TUT4: variants seen among roughly 807,000 people sequenced by gnomAD.
The protein encoded by TUT4 is terminal uridylyltransferase 4.
Under a neutral mutation model 192.2 loss-of-function variants are expected in TUT4, and 36 were observed. The ratio of observed to expected loss-of-function variants is 0.19; its 90% CI spans 0.14 to 0.25. The LOEUF (loss-of-function observed/expected upper bound fraction) is 0.25. Ranked by LOEUF, TUT4 falls within the 10% of genes least tolerant of loss-of-function variation. The pLI, the probability that TUT4 is intolerant of heterozygous loss-of-function variation, is 1.00. For synonymous variants in TUT4, 618 were observed against 666.0 expected (o/e 0.93, Z 1.11); for missense variants, 1,493 against 1,957.2 (o/e 0.76, Z 4.47).
At chr1:52,533,248 A>G (rs1172300983) in intron 1 of TUT4, among the ~76,000 whole-genome samples, 2 of 151,990 alleles carry the variant, frequency 1.3e-5, no homozygotes, top group African/African-American at 2.4e-5. Flanking sequence ...AAGGAATAAA[A>G]CTCTTTGTTT....
chr1:52,538,368 G>GA (rs1172344789), intron 1 of TUT4, among the ~76,000 whole-genome samples: 4 of 150,534 alleles, frequency 2.7e-5, no homozygotes, highest in Non-Finnish European at 5.9e-5. Context: ...TGGCAACTGA[G>GA]AAAAAAAAAG....
At chr1:52,447,164 T>C (rs1192033310) in intron 20 of TUT4, among the ~76,000 whole-genome samples, 2 of 152,098 alleles carry the variant, frequency 1.3e-5, no homozygotes, top group Non-Finnish European at 1.5e-5. Flanking sequence ...AAATGGAAAA[T>C]TAGGGCCAGG....
intron 28 of TUT4, among the ~76,000 whole-genome samples, chr1:52,427,960 T>A (rs1382586049): frequency 6.6e-6 from 1 of 152,176 alleles, no homozygotes; most frequent in Non-Finnish European, 1.5e-5. Flanking sequence ...AGTCTCTGAA[T>A]CTAAATCCCA....
In TUT4 at chr1:52,550,713, T is replaced by C. The variant is rs532925352; in HGVS notation, c.-94+2218A>G. Among the ~76,000 whole-genome samples, 7 of 152,176 alleles carry C rather than the reference T, an allele frequency of 4.6e-5. No homozygotes were observed. In the South Asian group the frequency reaches 1.5e-3, roughly 32 times the overall value. On this transcript the variant is annotated intron_variant, in intron 1 of 29. Coordinates refer to ENST00000257177, the MANE Select transcript of TUT4 (RefSeq NM_001009881.3). The stretch of plus-strand genomic sequence containing the variant: ...TCTCACTATGCTGCTCAGACTGATA[T>C]CAAACTCCTACGCTCAAGCAATCCT...
Position 52,493,586 on chromosome 1 carries a change from GAAAAGA to G in TUT4, c.1318+19_1318+24del. 7.7e-7 allele frequency: 1 copy of G among 1,300,774 alleles called. No homozygotes were observed. Among genetic ancestry groups the G allele is most frequent in the East Asian group, 2.6e-5 (1 of 38,414 alleles). The allele number at this position is 1,300,774 out of a possible 1,614,324, so 80.6% of individuals were successfully genotyped here. A position where few individuals can be genotyped will look rare whatever the true frequency, so the allele number is the denominator to read the frequency against. The stretch of plus-strand genomic sequence containing the variant: ...AGAAAGACAAATTAAAAAAAAAAAA[GAAAAGA>G]AAAAGAAAAGAAACTCACCATTTTT... On this transcript the variant is annotated intron_variant, in intron 7 of 29. Coordinates refer to ENST00000257177, the MANE Select transcript of TUT4 (RefSeq NM_001009881.3).
chr1:52,488,802 T>G, intron 9 of TUT4, 107 bp downstream of exon 9: 2 of 1,183,822 alleles, frequency 1.7e-6, no homozygotes, highest in Non-Finnish European at 2.2e-6. Flanking sequence ...TTCTCCCACA[T>G]GTTATGATTG....
chr1:52,519,572 C>A (rs552157915), intron 2 of TUT4, among the ~76,000 whole-genome samples: 1 of 151,262 alleles, frequency 6.6e-6, no homozygotes, highest in African/African-American at 2.4e-5. Flanking sequence ...TGCAGTGGTG[C>A]AATCTCGGCT....
At chr1:52,443,476 C>A (rs569191226) in intron 24 of TUT4, among the ~76,000 whole-genome samples, 2 of 151,962 alleles carry the variant, frequency 1.3e-5, no homozygotes, top group East Asian at 3.9e-4. Context: ...GTAATCCCAG[C>A]TACTTGGGAG....
intron 26 of TUT4, 82 bp downstream of exon 26, chr1:52,436,673 G>A: frequency 3.2e-6 from 5 of 1,573,774 alleles, no homozygotes; most frequent in Non-Finnish European, 3.4e-6. Context: ...TTGCAACAGA[G>A]AGGAATTAGG....
chr1:52,515,757 G>A, intron 3 of TUT4, 134 bp downstream of exon 3: 1 of 965,310 alleles, frequency 1.0e-6, no homozygotes, highest in Non-Finnish European at 1.6e-6. Context: ...AAGAAAGGTA[G>A]AGAAGAGGGA....
intron 1 of TUT4, among the ~76,000 whole-genome samples, chr1:52,532,394 C>G (rs1683718122): frequency 6.6e-6 from 1 of 151,640 alleles, no homozygotes; most frequent in Non-Finnish European, 1.5e-5. Context: ...GGCGTGCAGT[C>G]ATGGCTCACT....
chr1:52,447,477 CAA>C (rs576050725), intron 20 of TUT4, among the ~76,000 whole-genome samples: 2 of 113,360 alleles, frequency 1.8e-5, no homozygotes, highest in African/African-American at 3.8e-5. Flanking sequence ...AACAAAAAAA[CAA>C]AAAAAAAAAA....
Position 52,516,675 on chromosome 1 carries a change from C to T in TUT4, c.719-621G>A, listed in dbSNP as rs12024532. Among the ~76,000 whole-genome samples, 109 of 152,282 alleles carry T rather than the reference C, an allele frequency of 7.2e-4. 1 individual carries two copies. The East Asian group carries it at 0.018, about 26-fold the overall frequency. On this transcript the variant is annotated intron_variant, in intron 2 of 29. Coordinates refer to ENST00000257177, the MANE Select transcript of TUT4 (RefSeq NM_001009881.3). ...CCTACAGTAGGTTCTCCCACCAGCG[C>T]GATTTTTAAAATATAAACCAAATCA...
At chr1:52,471,008 C>CTTTTTTTTT (rs771331613) in intron 14 of TUT4, among the ~76,000 whole-genome samples, 1 of 82,148 alleles carries the variant, frequency 1.2e-5, no homozygotes. Flanking sequence ...GCACTCTATG[C>CTTTTTTTTT]TTTTTTTTTT....
In TUT4 at chr1:52,477,754, T is replaced by G; in HGVS notation, c.1977A>C (p.Leu659Phe). 6.2e-7 allele frequency: 1 copy of G among 1,611,302 alleles called. No homozygotes were observed. The highest frequency in any genetic ancestry group is 8.5e-7 in the Non-Finnish European group (1 of 1,179,338). Residue 659 changes from leucine to phenylalanine, a missense_variant, in exon 12 of 30, where the codon TTA becomes TTC. Transcript: ENST00000257177. ...TAGGCCAGTTTTTATTTTCTCTTGT[T>G]AAAATATCTTGTATCCGTACACATA... Reference protein sequence around the residue: ...YVICVRIQDILTRENKNWPKR... With the variant: ...YVICVRIQDIFTRENKNWPKR...
rs1571216434 is a variant in TUT4, at chr1:52,519,028, T to C, written c.719-2974A>G. On this transcript the variant is annotated intron_variant, in intron 2 of 29. Coordinates refer to ENST00000257177, the MANE Select transcript of TUT4 (RefSeq NM_001009881.3). ...TAGCAATTCCATTTCTAAATATATA[T>C]ACTGAAAAAATGAAAACATACATCC... Among the ~76,000 whole-genome samples the C allele has an allele frequency of 1.3e-5, 2 of 152,202 alleles. 1 individual carries two copies. Among genetic ancestry groups the C allele is most frequent in the South Asian group, 4.1e-4 (2 of 4,830 alleles).
At position 52,495,945 on chromosome 1, in the gene TUT4, G is replaced by A. The variant is rs559743286; in HGVS notation, c.1178-430C>T. 1.6e-3 allele frequency among the ~76,000 whole-genome samples: 246 copies of A among 152,110 alleles called. 2 individuals carry two copies. Among genetic ancestry groups the A allele is most frequent in the Non-Finnish European group, 2.7e-3 (186 of 67,936 alleles). On this transcript the variant is annotated intron_variant, in intron 5 of 29. Transcript: ENST00000257177. ...CAATGCCAATGCTTTTATAAAATAC[G>A]AAGTGAAGCCAAGTCAGTTAATTCT...
At chr1:52,477,918 C>A (rs1423954363) in intron 11 of TUT4, 36 bp from the exon 12 acceptor site, 4 of 1,508,946 alleles carry the variant, frequency 2.7e-6, no homozygotes, top group African/African-American at 2.8e-5. Flanking sequence ...TTAAGCTTAA[C>A]AAAACCATAA....
In TUT4 at chr1:52,481,848, G is replaced by C. The variant is rs1289341199; in HGVS notation, c.1591C>G (p.Gln531Glu). ...GGAAGAAGAGGGGGTTTTCTCTGTT[G>C]TAGAAAAAACATCACCATTAAAGCA... ...CFALMVMFFL[Q>E]QRKPPLLPCL... is the part of the protein sequence containing the mutation. Residue 531 changes from glutamine (Q) to glutamate (E), a missense_variant, in exon 10 of 30, where the codon CAA becomes GAA. Around this residue, in one of 7 missense-constraint regions of TUT4, gnomAD observed 437 missense variants for 577.6 expected, o/e 0.76. Coordinates refer to ENST00000257177, the MANE Select transcript of TUT4 (RefSeq NM_001009881.3). 1 of 1,598,962 alleles carries C rather than the reference G, an allele frequency of 6.3e-7. No homozygotes were observed. Among genetic ancestry groups the C allele is most frequent in the African/African-American group, 1.4e-5 (1 of 74,056 alleles).
Sources: allele counts gnomAD v4.1 joint callset (sites outside exome capture counted in the v4.1 genomes callset), GRCh38; gene constraint gnomAD v4.1.1; regional missense constraint gnomAD v4.1.1; transcripts MANE v1.5; gene names NCBI Gene and HGNC (gene_info 2026-07-23, HGNC 2026-07-21).